Variants in SDK1 observed in about 807,000 individuals in gnomAD.
The protein encoded by SDK1 is protein sidekick-1.
SDK1 carries 157 observed loss-of-function variants against 245.5 expected under a neutral mutation model. That is an observed-to-expected ratio of 0.64 (90% CI 0.56 to 0.73). The LOEUF is 0.73. Ranked by LOEUF, SDK1 falls within the 30% of genes least tolerant of loss-of-function variation. The probability of loss-of-function intolerance (pLI) is 0.00; values close to 1 mark genes in which losing one functional copy is unlikely to be tolerated. For synonymous variants in SDK1, 1,647 were observed against 1,278.5 expected, an observed-to-expected ratio of 1.29 and a Z score of -6.15; for missense variants, 3,583 against 3,002.3, an observed-to-expected ratio of 1.19 and a Z score of -4.52.
At chr7:3,816,751 C>G (rs1035611396) in intron 4 of SDK1, among the ~76,000 whole-genome samples, 1 of 152,132 alleles carries the variant, frequency 6.6e-6, no homozygotes, top group Non-Finnish European at 1.5e-5. Context: ...CTGCCTTGAA[C>G]TTGCTTAAAT....
chr7:4,069,389 G>T (rs1471478935), intron 20 of SDK1, among the ~76,000 whole-genome samples: 2 of 152,234 alleles, frequency 1.3e-5, no homozygotes, highest in Non-Finnish European at 2.9e-5. Flanking sequence ...TTCTGTGTCA[G>T]CCCTCTCTGG....
intron 40 of SDK1, among the ~76,000 whole-genome samples, chr7:4,228,637 T>C (rs1366615818): frequency 6.6e-6 from 1 of 152,180 alleles, no homozygotes; most frequent in East Asian, 1.9e-4. Context: ...CCTCCCGGGA[T>C]CAAGCGATTC....
At chr7:3,787,090 G>C (rs770499662) in intron 4 of SDK1, among the ~76,000 whole-genome samples, 1 of 151,020 alleles carries the variant, frequency 6.6e-6, no homozygotes, top group Non-Finnish European at 1.5e-5. Context: ...AATGAGACTT[G>C]ACAATATATT....
At chr7:3,980,437 A>G (rs1404144466) in intron 13 of SDK1, among the ~76,000 whole-genome samples, 2 of 152,204 alleles carry the variant, frequency 1.3e-5, no homozygotes, top group Non-Finnish European at 2.9e-5. Flanking sequence ...TCCATTTATC[A>G]GCCTCTGTGC....
chr7:3,636,691 C>G (rs947164904), intron 2 of SDK1, among the ~76,000 whole-genome samples: 7 of 152,140 alleles, frequency 4.6e-5, no homozygotes, highest in African/African-American at 1.4e-4. Flanking sequence ...TGAGATTCTT[C>G]TTTCAGTTCT....
At chr7:3,373,995 T>C (rs1292514322) in intron 1 of SDK1, among the ~76,000 whole-genome samples, 2 of 152,224 alleles carry the variant, frequency 1.3e-5, no homozygotes, top group Non-Finnish European at 2.9e-5. Context: ...TGTTTTAACA[T>C]AAGAATAGCT....
At chr7:3,656,105 A>T (rs1274148329) in intron 4 of SDK1, among the ~76,000 whole-genome samples, 1 of 152,114 alleles carries the variant, frequency 6.6e-6, no homozygotes, top group Non-Finnish European at 1.5e-5. Context: ...TTCTCAGCTC[A>T]TTTGGAACTT....
chr7:3,701,099 C>T (rs1260903829), intron 4 of SDK1, among the ~76,000 whole-genome samples: 1 of 152,126 alleles, frequency 6.6e-6, no homozygotes, highest in Non-Finnish European at 1.5e-5. Context: ...AAAAAAAACT[C>T]AGAATAAGTT....
chr7:3,887,477 C>T lies in SDK1; in HGVS notation c.848-63446C>T, dbSNP rs866909037. 1.3e-3 allele frequency among the ~76,000 whole-genome samples: 201 copies of T among 152,192 alleles called. 2 individuals are homozygous for T. Among genetic ancestry groups the T allele is most frequent in the African/African-American group, 4.3e-3 (180 of 41,546 alleles). ...TAATTGAGCAATCATGATCAAGGCCCGCCTAGGGCATTTCCTGGGGATTTC... is the reference window on the plus strand; with the variant it reads ...TAATTGAGCAATCATGATCAAGGCCTGCCTAGGGCATTTCCTGGGGATTTC... On this transcript the variant is annotated intron_variant, in intron 5 of 44. Transcript: ENST00000404826.
intron 4 of SDK1, among the ~76,000 whole-genome samples, chr7:3,789,440 G>T (rs1294612995): frequency 6.6e-6 from 1 of 152,202 alleles, no homozygotes; most frequent in African/African-American, 2.4e-5. Flanking sequence ...GAGCCACTCT[G>T]CCCAGCCTGT....
intron 1 of SDK1, among the ~76,000 whole-genome samples, chr7:3,600,497 G>A (rs1204776481): frequency 6.7e-6 from 1 of 149,356 alleles, no homozygotes; most frequent in Non-Finnish European, 1.5e-5. Flanking sequence ...TCATTACCAA[G>A]TTTACGGAAA....
At chr7:4,222,708 G>C (rs114811337) in intron 40 of SDK1, among the ~76,000 whole-genome samples, 1 of 152,184 alleles carries the variant, frequency 6.6e-6, no homozygotes, top group South Asian at 2.1e-4. Flanking sequence ...TCGCCTGGGG[G>C]ACCCTGAGAG....
At chr7:4,069,336 C>A (rs1315613208) in intron 20 of SDK1, among the ~76,000 whole-genome samples, 1 of 152,218 alleles carries the variant, frequency 6.6e-6, no homozygotes, top group African/African-American at 2.4e-5. Context: ...GGATTTCTAG[C>A]AAGCCACTTA....
chr7:3,430,021 A>G (rs559661212), intron 1 of SDK1, among the ~76,000 whole-genome samples: 2 of 152,350 alleles, frequency 1.3e-5, no homozygotes, highest in East Asian at 3.9e-4. Context: ...ACTGTGTGAC[A>G]TATTACATTT....
At chr7:4,007,369 C>T (rs1029701454) in intron 14 of SDK1, among the ~76,000 whole-genome samples, 6 of 152,058 alleles carry the variant, frequency 3.9e-5, no homozygotes, top group South Asian at 2.1e-4. Context: ...CAGGTAGCCC[C>T]AGGCAGCCTC....
chr7:3,492,117 G>T (rs141692660), intron 1 of SDK1, among the ~76,000 whole-genome samples: 158 of 152,306 alleles, frequency 1.0e-3, no homozygotes, highest in South Asian at 2.1e-3. Context: ...TCCCCTAATA[G>T]ATATTTTTAG....
chr7:4,122,156 C>G (rs1173786945), intron 25 of SDK1, among the ~76,000 whole-genome samples: 3 of 152,146 alleles, frequency 2.0e-5, no homozygotes, highest in Admixed American at 1.3e-4. Flanking sequence ...TTTAGCTCAT[C>G]AGAATGGAGA....
intron 1 of SDK1, among the ~76,000 whole-genome samples, chr7:3,360,486 G>A (rs79700686): frequency 0.06 from 9,133 of 152,288 alleles, 360 homozygotes; most frequent in East Asian, 0.13. Context: ...GAATTTGTGT[G>A]TGTTTGTGGG....
At chr7:4,201,306 C>G (rs1237852803) in intron 35 of SDK1, among the ~76,000 whole-genome samples, 3 of 152,184 alleles carry the variant, frequency 2.0e-5, no homozygotes, top group African/African-American at 4.8e-5. Context: ...CTCCAGGTCC[C>G]CCTGCTCAGG....
Sources: gnomAD v4.1 joint callset for allele counts (sites outside exome capture counted in the v4.1 genomes callset) on GRCh38, gnomAD v4.1.1 for gene constraint, MANE v1.5 for transcripts, NCBI Gene and HGNC (gene_info 2026-07-23, HGNC 2026-07-21) for gene names.